MAF: variants seen among roughly 807,000 people sequenced by gnomAD.
The protein encoded by MAF is transcription factor Maf.
A neutral mutation model predicts 22.0 loss-of-function variants in MAF; 10 were observed. That is an observed-to-expected ratio of 0.45 (90% CI 0.28 to 0.77). MAF has a LOEUF of 0.77. Among genes scored for constraint, MAF ranks in the 30% least tolerant of loss-of-function variants. The pLI is 0.12. For synonymous variants in MAF, 337 were observed against 255.8 expected, an observed-to-expected ratio of 1.32 and a Z score of -3.03; for missense variants, 544 against 548.4, an observed-to-expected ratio of 0.99 and a Z score of 0.08.
At chr16:79,554,372 C>T in the MAF span, among the ~76,000 whole-genome samples, 1 of 152,102 alleles carries the variant, frequency 6.6e-6, no homozygotes, top group African/African-American at 2.4e-5. Flanking sequence ...TCTCCCAGAT[C>T]CTCATTTATT....
chr16:79,243,310 T>C, the MAF span, among the ~76,000 whole-genome samples: 5 of 151,162 alleles, frequency 3.3e-5, no homozygotes, highest in African/African-American at 1.2e-4. Flanking sequence ...TTAAAACAAA[T>C]TAGACCACTA....
chr16:79,268,199 T>C, the MAF span, among the ~76,000 whole-genome samples: 1 of 152,012 alleles, frequency 6.6e-6, no homozygotes, highest in Non-Finnish European at 1.5e-5. Context: ...AGCCCTGGGG[T>C]TGGAATCAGC....
At chr16:79,334,296 A>C in the MAF span, among the ~76,000 whole-genome samples, 1 of 152,192 alleles carries the variant, frequency 6.6e-6, no homozygotes. Flanking sequence ...TCATGCAAAA[A>C]CATGGTCAAA....
chr16:79,234,611 A>C, the MAF span, among the ~76,000 whole-genome samples: 11,078 of 152,170 alleles, frequency 0.073, 598 homozygotes, highest in Middle Eastern at 0.15. Context: ...AAGAAAGAGC[A>C]ACATGTTGTG....
At chr16:79,537,568 T>C in the MAF span, among the ~76,000 whole-genome samples, 1 of 152,178 alleles carries the variant, frequency 6.6e-6, no homozygotes, top group Non-Finnish European at 1.5e-5. Context: ...TAGGAGGATG[T>C]TACTTTGCCT....
rs574731667 is a variant in MAF, at chr16:79,586,979, G to A, written c.1119-1038C>T. 3.9e-5 allele frequency among the ~76,000 whole-genome samples: 6 copies of A among 152,212 alleles called. No individual in the cohort carries two copies. The South Asian group carries it at 1.2e-3, about 32-fold the overall frequency. On this transcript the variant is annotated intron_variant, in intron 1 of 1. Transcript: ENST00000569649. ...ATTTGGATTACCTTACAATTGGTGC[G>A]AACAAATATGAGCTATGCTCATGCA...
the MAF span, among the ~76,000 whole-genome samples, chr16:79,358,307 T>C: frequency 1.3e-5 from 2 of 152,174 alleles, no homozygotes; most frequent in Non-Finnish European, 2.9e-5. Flanking sequence ...AGGGTGATGA[T>C]TGCTAGGATC....
the MAF span, among the ~76,000 whole-genome samples, chr16:79,554,369 G>C: frequency 6.6e-6 from 1 of 152,098 alleles, no homozygotes; most frequent in African/African-American, 2.4e-5. Context: ...TAATCTCCCA[G>C]ATCCTCATTT....
At chr16:79,398,617 G>A in the MAF span, among the ~76,000 whole-genome samples, 1 of 152,086 alleles carries the variant, frequency 6.6e-6, no homozygotes. Flanking sequence ...TGAATTCTGT[G>A]CATTTGTGTC....
the MAF span, among the ~76,000 whole-genome samples, chr16:79,476,117 T>C: frequency 7.1e-4 from 108 of 152,154 alleles, no homozygotes; most frequent in Non-Finnish European, 1.3e-3. Context: ...AGAAACTTTC[T>C]CTTGCTGGCC....
chr16:79,392,443 G>A, the MAF span, among the ~76,000 whole-genome samples: 51 of 150,316 alleles, frequency 3.4e-4, no homozygotes, highest in African/African-American at 1.2e-3. Context: ...GGAAGAGAGA[G>A]GAGGAGGAGA....
At chr16:79,542,710 C>T in the MAF span, among the ~76,000 whole-genome samples, 1 of 152,240 alleles carries the variant, frequency 6.6e-6, no homozygotes, top group East Asian at 1.9e-4. Context: ...GCTGGGTTTC[C>T]TGGACTGGGA....
At chr16:79,344,632 A>G in the MAF span, among the ~76,000 whole-genome samples, 1 of 152,198 alleles carries the variant, frequency 6.6e-6, no homozygotes, top group Admixed American at 6.5e-5. Flanking sequence ...AGTATCCCAG[A>G]TGACTCTTAT....
At chr16:79,544,772 C>CAAAA in the MAF span, among the ~76,000 whole-genome samples, 380 of 113,544 alleles carry the variant, frequency 3.3e-3, 1 homozygote, top group Admixed American at 5.1e-3. Flanking sequence ...GGCTCTGTCT[C>CAAAA]AAAAAAAAAA....
the MAF span, among the ~76,000 whole-genome samples, chr16:79,284,522 A>G: frequency 1.3e-5 from 2 of 152,242 alleles, no homozygotes; most frequent in African/African-American, 4.8e-5. Flanking sequence ...ACCAGGAAAG[A>G]GAGCAGAGAT....
chr16:79,418,938 G>A, the MAF span, among the ~76,000 whole-genome samples: 2 of 152,202 alleles, frequency 1.3e-5, no homozygotes, highest in African/African-American at 4.8e-5. Context: ...AGAACAGCCT[G>A]TGGTACCAGC....
chr16:79,388,850 C>A, the MAF span, among the ~76,000 whole-genome samples: 1 of 152,160 alleles, frequency 6.6e-6, no homozygotes, highest in South Asian at 2.1e-4. Context: ...AGTGAAGTGA[C>A]TTGCTCAACA....
chr16:79,224,806 G>C, the MAF span, among the ~76,000 whole-genome samples: 12 of 152,252 alleles, frequency 7.9e-5, no homozygotes, highest in East Asian at 1.5e-3. Flanking sequence ...ACTTACAAGG[G>C]ATTATGAAAG....
the MAF span, among the ~76,000 whole-genome samples, chr16:79,341,564 C>A: frequency 6.6e-6 from 1 of 152,222 alleles, no homozygotes; most frequent in South Asian, 2.1e-4. Context: ...GGGTTCTTCC[C>A]CACCCCTGGA....
Sources: gnomAD v4.1 joint callset for allele counts (sites outside exome capture counted in the v4.1 genomes callset) on GRCh38, gnomAD v4.1.1 for gene constraint, MANE v1.5 for transcripts, NCBI Gene and HGNC (gene_info 2026-07-23, HGNC 2026-07-21) for gene names.